The following COL24A1 variants were observed in gnomAD, a reference collection of about 807,000 sequenced individuals.
COL24A1 encodes collagen type XXIV alpha 1 chain.
Under a neutral mutation model 253.9 loss-of-function variants are expected in COL24A1, and 224 were observed. The observed-to-expected ratio is 0.88, with a 90% confidence interval of 0.79 to 0.99. The LOEUF is 0.99. COL24A1 is among the 50% of genes least tolerant of loss of function. COL24A1 has a pLI of 0.00. For missense variants in COL24A1, 2,131 were observed against 2,068.5 expected, an observed-to-expected ratio of 1.03 and a Z score of -0.59; for synonymous variants, 685 against 673.7, an observed-to-expected ratio of 1.02 and a Z score of -0.26.
At chr1:85,907,163 G>GA in intron 28 of COL24A1, 31 bp downstream of exon 28, 1 of 1,580,324 alleles carries the variant, frequency 6.3e-7, no homozygotes, top group Non-Finnish European at 8.7e-7. Flanking sequence ...TTTTGGGGGG[G>GA]TTAATGTACT....
chr1:86,028,651 G>A lies in COL24A1; in HGVS notation c.2049+3227C>T, dbSNP rs546131545. Among the ~76,000 whole-genome samples, 14 of 152,340 alleles carry A rather than the reference G, an allele frequency of 9.2e-5. 1 individual carries two copies. Among genetic ancestry groups the A allele is most frequent in the African/African-American group, 3.4e-4 (14 of 41,582 alleles). ...CTCAGGTATTTCTTCATAGCTGTGT[G>A]AGAATGGACTAATACAGTTATCATT... On this transcript the variant is annotated intron_variant, in intron 14 of 59. Transcript: ENST00000370571.
intron 12 of COL24A1, among the ~76,000 whole-genome samples, chr1:86,041,685 T>G (rs1193114357): frequency 6.6e-6 from 1 of 152,132 alleles, no homozygotes; most frequent in Non-Finnish European, 1.5e-5. Flanking sequence ...TCTTCTTTTC[T>G]GTTATGAATC....
In COL24A1 at chr1:85,972,051, G is replaced by A. The variant is rs186359329; in HGVS notation, c.2365-658C>T. Among the ~76,000 whole-genome samples, 11 of 152,244 alleles carry A rather than the reference G, an allele frequency of 7.2e-5. No homozygotes were observed. The East Asian group carries it at 2.1e-3, about 29-fold the overall frequency. On this transcript the variant is annotated intron_variant, in intron 20 of 59. Coordinates refer to ENST00000370571, the MANE Select transcript of COL24A1 (RefSeq NM_152890.7). The stretch of plus-strand genomic sequence containing the variant: ...TTTCAAAGTTAATTATTTTTAAAAA[G>A]TCTTAAATCAGAAAACACTATACAA...
chr1:85,945,002 GTTTTTTTTT>G (rs1165341082), intron 24 of COL24A1, among the ~76,000 whole-genome samples: 3 of 35,366 alleles, frequency 8.5e-5, no homozygotes, highest in Admixed American at 5.0e-4. Context: ...CTATCATTGT[GTTTTTTTTT>G]TTTTTTTTTT....
At chr1:85,942,356 T>A (rs1190173552) in intron 24 of COL24A1, among the ~76,000 whole-genome samples, 3 of 144,810 alleles carry the variant, frequency 2.1e-5, no homozygotes, top group Non-Finnish European at 4.7e-5. Context: ...CTTTCTTGTA[T>A]TGTGATTTCC....
chr1:86,031,645 G>C (rs895734217), intron 14 of COL24A1, among the ~76,000 whole-genome samples: 14 of 151,750 alleles, frequency 9.2e-5, no homozygotes, highest in Admixed American at 2.0e-4. Flanking sequence ...ATACATATAG[G>C]TCTATAAAAA....
chr1:85,875,558 C>T (rs933374125), intron 33 of COL24A1, among the ~76,000 whole-genome samples: 1 of 152,082 alleles, frequency 6.6e-6, no homozygotes, highest in Non-Finnish European at 1.5e-5. Context: ...TCTTCTAATC[C>T]TTTCTCTCAT....
chr1:85,825,373 G>A (rs961586321), intron 43 of COL24A1, among the ~76,000 whole-genome samples: 11 of 152,048 alleles, frequency 7.2e-5, no homozygotes, highest in South Asian at 4.1e-4. Flanking sequence ...GAATAACGCC[G>A]CAATAAACGT....
chr1:86,141,328 T>C (rs1651043469), intron 2 of COL24A1, among the ~76,000 whole-genome samples: 1 of 152,072 alleles, frequency 6.6e-6, no homozygotes, highest in South Asian at 2.1e-4. Context: ...GGATTGAAAG[T>C]TTGTATAAGA....
At position 86,022,140 on chromosome 1, in the gene COL24A1, C is replaced by A. The variant is rs527744621; in HGVS notation, c.2256+100G>T. On this transcript the variant is annotated intron_variant, in intron 18 of 59. Coordinates refer to ENST00000370571, the MANE Select transcript of COL24A1 (RefSeq NM_152890.7). ...TATTCTAAAACTAAGGAGACAAATG[C>A]TCAGTAGGCTTATACCCTACTTAGA... The A allele has an allele frequency of 2.9e-4, 296 of 1,015,440 alleles. 4 individuals carry two copies. The highest frequency in any genetic ancestry group is 2.3e-3 in the Middle Eastern group (11 of 4,842). The allele number at this position is 1,015,440 out of a possible 1,614,324, so 62.9% of individuals were successfully genotyped here. A position where few individuals can be genotyped will look rare whatever the true frequency, so the allele number is the denominator to read the frequency against.
rs1558752311 is a variant in COL24A1, at chr1:85,945,015, T to TG, written c.2562+16233_2562+16234insC. On this transcript the variant is annotated intron_variant, in intron 24 of 59. Transcript: ENST00000370571. ...GTCTATCATTGTGTTTTTTTTTTTTTTTTTTTTTTTTTTTTTTTTTGAGAC... is the reference window on the plus strand; with the variant it reads ...GTCTATCATTGTGTTTTTTTTTTTTTGTTTTTTTTTTTTTTTTTTTTGAGAC... Among the ~76,000 whole-genome samples, 130 of 83,000 alleles carry TG rather than the reference T, an allele frequency of 1.6e-3. 3 individuals are homozygous for TG. The highest frequency in any genetic ancestry group is 0.011 in the Middle Eastern group (2 of 190). 54.5% of individuals were successfully genotyped at this position (83,000 alleles called of 152,430 possible).
intron 55 of COL24A1, among the ~76,000 whole-genome samples, chr1:85,760,340 C>T (rs966776132): frequency 1.3e-5 from 2 of 152,050 alleles, no homozygotes; most frequent in Admixed American, 6.6e-5. Flanking sequence ...CCACCATGCC[C>T]GGCCGAAAGA....
At chr1:86,008,317 T>C (rs1409879282) in intron 19 of COL24A1, among the ~76,000 whole-genome samples, 2 of 152,120 alleles carry the variant, frequency 1.3e-5, no homozygotes, top group African/African-American at 4.8e-5. Context: ...TAACCTCGGC[T>C]CACCAAAACT....
intron 24 of COL24A1, among the ~76,000 whole-genome samples, chr1:85,925,905 A>G (rs1453543096): frequency 6.6e-6 from 1 of 152,208 alleles, no homozygotes; most frequent in Non-Finnish European, 1.5e-5. Context: ...AATGGGAGAA[A>G]ATTTTTGCAA....
intron 20 of COL24A1, among the ~76,000 whole-genome samples, chr1:85,976,170 C>A (rs1479554970): frequency 1.3e-5 from 2 of 152,162 alleles, no homozygotes; most frequent in African/African-American, 2.4e-5. Context: ...GGAGCCAAGG[C>A]CAACAGTATT....
intron 47 of COL24A1, among the ~76,000 whole-genome samples, chr1:85,799,011 T>C (rs1003359032): frequency 6.6e-6 from 1 of 152,114 alleles, no homozygotes; most frequent in Admixed American, 6.6e-5. Flanking sequence ...TTGAACTCGA[T>C]GAAAACATCA....
intron 21 of COL24A1, 96 bp from the exon 22 acceptor site, chr1:85,970,367 T>C: frequency 1.7e-6 from 2 of 1,162,642 alleles, no homozygotes; most frequent in South Asian, 1.6e-5. Flanking sequence ...AATGTGAAGC[T>C]CATTCTGAGA....
At chr1:86,141,221 T>C (rs1387143342) in intron 2 of COL24A1, among the ~76,000 whole-genome samples, 2 of 152,194 alleles carry the variant, frequency 1.3e-5, no homozygotes, top group African/African-American at 2.4e-5. Context: ...CTGATTCATA[T>C]TGCAAAATCC....
intron 2 of COL24A1, among the ~76,000 whole-genome samples, chr1:86,145,448 T>G (rs1651739292): frequency 6.6e-6 from 1 of 152,098 alleles, no homozygotes; most frequent in African/African-American, 2.4e-5. Flanking sequence ...TTTTTTACCT[T>G]TGATAAAGGC....
Sources: gnomAD v4.1 joint callset for allele counts (sites outside exome capture counted in the v4.1 genomes callset) on GRCh38, gnomAD v4.1.1 for gene constraint, MANE v1.5 for transcripts, NCBI Gene and HGNC (gene_info 2026-07-23, HGNC 2026-07-21) for gene names.